RIPOR2: variants seen among roughly 807,000 people sequenced by gnomAD.
RIPOR2 encodes the protein rho family-interacting cell polarization regulator 2.
A neutral mutation model predicts 114.5 loss-of-function variants in RIPOR2; 39 were observed. The observed-to-expected ratio is 0.34, with a 90% confidence interval of 0.26 to 0.44. RIPOR2 has a LOEUF of 0.44. Ranked by LOEUF, RIPOR2 falls within the 20% of genes least tolerant of loss-of-function variation. The pLI is 1.00. For synonymous variants in RIPOR2, 445 were observed against 484.4 expected (o/e 0.92, Z 1.07); for missense variants, 1,007 against 1,255.1 (o/e 0.80, Z 2.99).
intron 1 of RIPOR2, among the ~76,000 whole-genome samples, chr6:25,020,798 A>G (rs533735867): frequency 2.2e-4 from 34 of 152,362 alleles, no homozygotes; most frequent in African/African-American, 7.5e-4. Context: ...ACATGCTATT[A>G]TAAGTTCTAT....
chr6:24,828,307 G>T lies in RIPOR2; in HGVS notation c.2507-12C>A. The T allele has an allele frequency of 6.5e-7, 1 of 1,529,834 alleles. No homozygotes were observed. Among genetic ancestry groups the T allele is most frequent in the Non-Finnish European group, 8.8e-7 (1 of 1,136,162 alleles). The allele number at this position is 1,529,834 out of a possible 1,614,324, so 94.8% of individuals were successfully genotyped here. A position where few individuals can be genotyped will look rare whatever the true frequency, so the allele number is the denominator to read the frequency against. On this transcript the variant is annotated splice_polypyrimidine_tract_variant and intron_variant, in intron 17 of 21. Coordinates refer to ENST00000643898, the MANE Select transcript of RIPOR2 (RefSeq NM_001286445.3). ...CAGGGTTCGAAACACTATTCGGAAG[G>T]GAAAGACACAAAGCAGCTTTAGATA...
intron 1 of RIPOR2, 64 bp downstream of exon 1, chr6:24,935,774 G>T: frequency 8.5e-7 from 1 of 1,173,084 alleles, no homozygotes; most frequent in Non-Finnish European, 1.2e-6. Context: ...GGGCAAAAGT[G>T]TCCAGTGGTG....
intron 1 of RIPOR2, among the ~76,000 whole-genome samples, chr6:24,880,393 A>C (rs1766229537): frequency 6.6e-6 from 1 of 152,228 alleles, no homozygotes; most frequent in South Asian, 2.1e-4. Flanking sequence ...AAACAAAACT[A>C]TATAAAACCA....
chr6:25,003,453 G>C (rs574722011), intron 1 of RIPOR2, among the ~76,000 whole-genome samples: 1 of 149,974 alleles, frequency 6.7e-6, no homozygotes, highest in Admixed American at 6.6e-5. Context: ...TTTCGAGACA[G>C]GATCTCATTC....
intron 19 of RIPOR2, among the ~76,000 whole-genome samples, chr6:24,823,829 T>C (rs1759911948): frequency 6.6e-6 from 1 of 152,206 alleles, no homozygotes; most frequent in Admixed American, 6.5e-5. Flanking sequence ...CAATCTCGGC[T>C]CACTGCAGCC....
intron 13 of RIPOR2, chr6:24,840,916 C>T (rs913610513): frequency 7.7e-6 from 6 of 777,652 alleles, no homozygotes; most frequent in East Asian, 2.7e-5. Context: ...GACAGGGAGT[C>T]GGTCTTGACT....
chr6:24,805,758 A>G lies in RIPOR2; in HGVS notation c.*615T>C, dbSNP rs1433034342. 1 of 152,202 alleles carries G rather than the reference A, an allele frequency of 6.6e-6. No homozygotes were observed. The highest frequency in any genetic ancestry group is 1.5e-5 in the Non-Finnish European group (1 of 68,034). The allele number at this position is 152,202 out of a possible 1,614,324, so 9.4% of individuals were successfully genotyped here. ...TAGAGAAACTTGCAAAAAAGTACAA[A>G]GATGGCTATTTTTAAATTTCATACA... On this transcript the variant is annotated 3_prime_UTR_variant, in exon 22 of 22. Transcript: ENST00000643898.
At chr6:24,850,898 C>CTT (rs371904262) in intron 9 of RIPOR2, among the ~76,000 whole-genome samples, 176 bp from the exon 10 acceptor site, 15 of 138,388 alleles carry the variant, frequency 1.1e-4, no homozygotes, top group South Asian at 2.3e-4. Context: ...GGGGAGGAGA[C>CTT]TTTTTTTTTT....
At chr6:25,040,906 T>C (rs1244751456) in intron 1 of RIPOR2, among the ~76,000 whole-genome samples, 1 of 152,214 alleles carries the variant, frequency 6.6e-6, no homozygotes, top group Admixed American at 6.5e-5. Context: ...TTTTGAAAAA[T>C]TGGAAAATCC....
chr6:24,854,329 G>A (rs540324616), intron 8 of RIPOR2, among the ~76,000 whole-genome samples: 2 of 152,280 alleles, frequency 1.3e-5, no homozygotes, highest in Admixed American at 1.3e-4. Context: ...GAATAACAGA[G>A]TTTCACCACA....
chr6:25,001,040 C>T (rs1775289491), intron 1 of RIPOR2, among the ~76,000 whole-genome samples: 1 of 152,178 alleles, frequency 6.6e-6, no homozygotes. Flanking sequence ...CGATGTCCTG[C>T]TTAGAATTCA....
At chr6:24,841,643 G>C (rs1407970393) in intron 13 of RIPOR2, among the ~76,000 whole-genome samples, 2 of 149,922 alleles carry the variant, frequency 1.3e-5, no homozygotes, top group African/African-American at 2.5e-5. Flanking sequence ...TTTGAGACAG[G>C]GTCTCACTTT....
At chr6:24,968,152 C>T (rs980903285) in intron 1 of RIPOR2, among the ~76,000 whole-genome samples, 9 of 152,016 alleles carry the variant, frequency 5.9e-5, no homozygotes, top group South Asian at 2.1e-4. Flanking sequence ...ATGATCTGCC[C>T]GCCTCAGCCT....
chr6:24,984,966 G>A (rs1774471939), intron 1 of RIPOR2, among the ~76,000 whole-genome samples: 1 of 152,192 alleles, frequency 6.6e-6, no homozygotes, highest in Admixed American at 6.5e-5. Context: ...GAGAAGCCCT[G>A]CGAGCCCCTC....
At chr6:25,028,272 C>A (rs1304850694) in intron 1 of RIPOR2, among the ~76,000 whole-genome samples, 1 of 152,172 alleles carries the variant, frequency 6.6e-6, no homozygotes, top group East Asian at 1.9e-4. Flanking sequence ...TGCATTTCAA[C>A]CGGGCCCATG....
intron 1 of RIPOR2, among the ~76,000 whole-genome samples, chr6:24,916,561 A>G (rs539477765): frequency 1.3e-5 from 2 of 152,308 alleles, no homozygotes; most frequent in African/African-American, 4.8e-5. Flanking sequence ...CCCTGGAAAA[A>G]GAACATAACA....
chr6:25,038,062 G>T (rs912212333), intron 1 of RIPOR2, among the ~76,000 whole-genome samples: 1 of 152,168 alleles, frequency 6.6e-6, no homozygotes, highest in Non-Finnish European at 1.5e-5. Context: ...ATGGCAAAAT[G>T]TTAATAATTG....
At chr6:24,820,476 T>C (rs1436695667) in intron 19 of RIPOR2, among the ~76,000 whole-genome samples, 1 of 152,224 alleles carries the variant, frequency 6.6e-6, no homozygotes, top group East Asian at 1.9e-4. Context: ...TTCAGAATAT[T>C]TTCATTACCC....
intron 1 of RIPOR2, among the ~76,000 whole-genome samples, chr6:24,989,452 T>C (rs1192176351): frequency 1.3e-5 from 2 of 151,800 alleles, no homozygotes; most frequent in Admixed American, 1.3e-4. Context: ...AGCACCACCA[T>C]GCCTGGCTAT....
Sources: gnomAD v4.1 joint callset for allele counts (sites outside exome capture counted in the v4.1 genomes callset) on GRCh38, gnomAD v4.1.1 for gene constraint, MANE v1.5 for transcripts, NCBI Gene and HGNC (gene_info 2026-07-23, HGNC 2026-07-21) for gene names.